SLC35F4: variants seen among roughly 807,000 people sequenced by gnomAD.
SLC35F4 encodes solute carrier family 35 member F4.
A neutral mutation model predicts 44.2 loss-of-function variants in SLC35F4; 24 were observed. That is an observed-to-expected ratio of 0.54 (90% CI 0.39 to 0.76). The LOEUF (loss-of-function observed/expected upper bound fraction) is 0.76, where lower values mean the gene tolerates loss of function less well. Ranked by LOEUF, SLC35F4 falls within the 30% of genes least tolerant of loss-of-function variation. The pLI, the probability that SLC35F4 is intolerant of heterozygous loss-of-function variation, is 0.00. For synonymous variants in SLC35F4, 238 were observed against 223.6 expected (o/e 1.06, Z -0.57); for missense variants, 562 against 586.1 (o/e 0.96, Z 0.42).
chr14:57,655,922 C>A (rs1191752289), intron 1 of SLC35F4, among the ~76,000 whole-genome samples: 1 of 152,116 alleles, frequency 6.6e-6, no homozygotes, highest in Non-Finnish European at 1.5e-5. Context: ...CATCTATATC[C>A]TGATATGTGT....
intron 1 of SLC35F4, among the ~76,000 whole-genome samples, chr14:57,728,996 A>G (rs564242039): frequency 2.6e-5 from 4 of 152,286 alleles, no homozygotes; most frequent in South Asian, 2.1e-4. Context: ...CTCCTGGCCT[A>G]TAAGGTTTCC....
chr14:57,944,691 AAAGAAAAGAAAG>A (rs1889978795), intron 1 of SLC35F4, among the ~76,000 whole-genome samples: 1 of 102,338 alleles, frequency 9.8e-6, no homozygotes, highest in East Asian at 2.5e-4. Context: ...GAAAAGAAAG[AAAGAAAAGAAAG>A]AAAGAAAGAA....
chr14:57,784,476 T>C (rs538850653), intron 1 of SLC35F4, among the ~76,000 whole-genome samples: 18 of 152,218 alleles, frequency 1.2e-4, no homozygotes, highest in Non-Finnish European at 2.5e-4. Flanking sequence ...TTGAGGCTAA[T>C]AGGTCAAGAC....
intron 1 of SLC35F4, among the ~76,000 whole-genome samples, chr14:57,629,270 AT>A (rs752361789): frequency 4.6e-5 from 7 of 152,128 alleles, no homozygotes; most frequent in Non-Finnish European, 8.8e-5. Flanking sequence ...TTTGCCCCAC[AT>A]TCAAACAATG....
intron 1 of SLC35F4, among the ~76,000 whole-genome samples, chr14:57,715,571 T>C (rs1232609164): frequency 2.0e-5 from 3 of 152,066 alleles, no homozygotes; most frequent in African/African-American, 7.2e-5. Flanking sequence ...AGACAAAGGG[T>C]ATGGTCCTGG....
intron 1 of SLC35F4, among the ~76,000 whole-genome samples, chr14:57,638,643 C>A (rs766667572): frequency 5.3e-5 from 8 of 151,982 alleles, no homozygotes; most frequent in Non-Finnish European, 1.2e-4. Context: ...ATTTTTCAGT[C>A]GACATGTGTT....
At chr14:57,859,347 T>TA (rs1421538866) in intron 1 of SLC35F4, among the ~76,000 whole-genome samples, 2 of 152,090 alleles carry the variant, frequency 1.3e-5, no homozygotes, top group South Asian at 4.2e-4. Context: ...TCCATGGGCA[T>TA]AAAAAAGACT....
At chr14:57,962,849 G>T (rs1190668917) in intron 1 of SLC35F4, among the ~76,000 whole-genome samples, 1 of 152,124 alleles carries the variant, frequency 6.6e-6, no homozygotes, top group Admixed American at 6.5e-5. Context: ...AAAACCTCAG[G>T]CTCGTTCATT....
At chr14:57,613,859 G>A (rs1255567415) in intron 1 of SLC35F4, among the ~76,000 whole-genome samples, 1 of 152,224 alleles carries the variant, frequency 6.6e-6, no homozygotes, top group Admixed American at 6.5e-5. Context: ...AAGGAGGAAA[G>A]TAACATCTAC....
intron 1 of SLC35F4, among the ~76,000 whole-genome samples, chr14:57,864,412 A>G (rs796107561): frequency 2.9e-4 from 44 of 152,360 alleles, no homozygotes; most frequent in African/African-American, 1.0e-3. Context: ...TAATGCTAAA[A>G]ACAGCTAGAC....
chr14:57,827,945 C>T (rs1178135228), intron 1 of SLC35F4, among the ~76,000 whole-genome samples: 3 of 152,182 alleles, frequency 2.0e-5, no homozygotes, highest in Non-Finnish European at 2.9e-5. Flanking sequence ...CCTGCATCTA[C>T]ATTTGTTTTG....
At chr14:57,920,512 G>A (rs1889420437) in intron 1 of SLC35F4, among the ~76,000 whole-genome samples, 1 of 152,184 alleles carries the variant, frequency 6.6e-6, no homozygotes, top group Non-Finnish European at 1.5e-5. Flanking sequence ...GCTCAAGGCT[G>A]CAATGAGCAA....
At chr14:57,880,237 A>G (rs1888505062) in intron 1 of SLC35F4, among the ~76,000 whole-genome samples, 1 of 152,202 alleles carries the variant, frequency 6.6e-6, no homozygotes, top group Non-Finnish European at 1.5e-5. Context: ...GGTGTACTTA[A>G]AGCAATTTGC....
At chr14:57,676,096 A>G (rs2074683612) in intron 1 of SLC35F4, among the ~76,000 whole-genome samples, 1 of 152,126 alleles carries the variant, frequency 6.6e-6, no homozygotes. Context: ...CAGAATCTAC[A>G]AGGAACTCAA....
chr14:57,747,495 C>A (rs2076786855), intron 1 of SLC35F4, among the ~76,000 whole-genome samples: 1 of 152,018 alleles, frequency 6.6e-6, no homozygotes, highest in Admixed American at 6.6e-5. Flanking sequence ...GTATGATGAA[C>A]CCCCAGTATG....
At chr14:57,709,021 T>C (rs950098120) in intron 1 of SLC35F4, among the ~76,000 whole-genome samples, 2 of 152,066 alleles carry the variant, frequency 1.3e-5, no homozygotes, top group Non-Finnish European at 2.9e-5. Context: ...GTGTATAGGA[T>C]GGAACATGAA....
chr14:57,613,836 T>G (rs1002529848), intron 1 of SLC35F4, among the ~76,000 whole-genome samples: 2 of 152,210 alleles, frequency 1.3e-5, no homozygotes, highest in Non-Finnish European at 2.9e-5. Flanking sequence ...CAAGCCTCAG[T>G]TTCTTTATTG....
chr14:57,982,335 A>T (rs1321050037), upstream of SLC35F4: 1 of 152,216 alleles, frequency 6.6e-6, no homozygotes, highest in Non-Finnish European at 1.5e-5. Flanking sequence ...GTGGCTAAAA[A>T]GTTATAGGTA....
intron 1 of SLC35F4, among the ~76,000 whole-genome samples, chr14:57,775,572 C>T (rs2077468756): frequency 6.6e-6 from 1 of 152,218 alleles, no homozygotes; most frequent in Non-Finnish European, 1.5e-5. Context: ...AGAAATGAAG[C>T]CAGTCAACTG....
Sources: gnomAD v4.1 joint callset for allele counts (sites outside exome capture counted in the v4.1 genomes callset) on GRCh38, gnomAD v4.1.1 for gene constraint, MANE v1.5 for transcripts, NCBI Gene and HGNC (gene_info 2026-07-23, HGNC 2026-07-21) for gene names.